WSCD2: variants seen among roughly 807,000 people sequenced by gnomAD.
The protein encoded by WSCD2 is WSC domain sialate O sulfotransferase 2.
Under a neutral mutation model 55.7 loss-of-function variants are expected in WSCD2, and 28 were observed. The ratio of observed to expected loss-of-function variants is 0.50; its 90% confidence interval spans 0.37 to 0.69. WSCD2 has a LOEUF of 0.69. WSCD2 is among the 30% of genes least tolerant of loss of function. The pLI is 0.00. For missense variants in WSCD2, 616 were observed against 762.1 expected, an observed-to-expected ratio of 0.81 and a Z score of 2.26; for synonymous variants, 301 against 301.9, an observed-to-expected ratio of 1.00 and a Z score of 0.03.
In WSCD2 at chr12:108,248,043, G is replaced by T; in HGVS notation, c.1398G>T (p.Leu466=). The part of the protein sequence containing the change: ...NYAPWWATHT[L]DWLKFGKKVL... ...CCCCGTGGTGGGCCACTCACACACTGGACTGGCTCAAGTTTGGCAAGAAGG... is the reference window on the plus strand; with the variant it reads ...CCCCGTGGTGGGCCACTCACACACTTGACTGGCTCAAGTTTGGCAAGAAGG... Residue 466 remains leucine, a synonymous_variant, in exon 9 of 9, where the codon CTG becomes CTT. Transcript: ENST00000547525. The surrounding 1 kb of genome is among the most constrained non-coding windows in gnomAD (Gnocchi z 4.3). 1.2e-6 allele frequency: 2 copies of T among 1,614,202 alleles called. No individual in the cohort carries two copies. Among genetic ancestry groups the T allele is most frequent in the Non-Finnish European group, 1.7e-6 (2 of 1,180,044 alleles).
In WSCD2 at chr12:108,244,649, A is replaced by G. The variant is rs866765339; in HGVS notation, c.1346-3342A>G. ...AGGCTGAAGATCGAGTAATGTCTCC[A>G]AAGTCACATACCTCATGTGGGGAGG... On this transcript the variant is annotated intron_variant, in intron 8 of 8. Transcript: ENST00000547525. 3.0e-4 allele frequency: 207 copies of G among 699,666 alleles called. 2 individuals carry two copies. The Middle Eastern group carries it at 7.4e-3, about 25-fold the overall frequency. The allele number at this position is 699,666 out of a possible 1,614,324, so 43.3% of individuals were successfully genotyped here. A position where few individuals can be genotyped will look rare whatever the true frequency, so the allele number is the denominator to read the frequency against.
Position 108,240,650 on chromosome 12 carries a change from C to T in WSCD2, c.1345+106C>T, listed in dbSNP as rs527767108. 22 of 1,314,596 alleles carry T rather than the reference C, an allele frequency of 1.7e-5. No individual in the cohort carries two copies. In the Admixed American group the frequency reaches 3.9e-4, roughly 23 times the overall value. The allele number at this position is 1,314,596 out of a possible 1,614,324, so 81.4% of individuals were successfully genotyped here. On this transcript the variant is annotated intron_variant, in intron 8 of 8. Coordinates refer to ENST00000547525, the MANE Select transcript of WSCD2 (RefSeq NM_014653.4). ...CAGCGTGACCAGCAGGAGGCAATGC[C>T]TCATGCGAGGAACCCTGGAGGACAT...
chr12:108,224,549 G>A (rs529545219), intron 4 of WSCD2, among the ~76,000 whole-genome samples, 190 bp from the exon 5 acceptor site: 6 of 152,300 alleles, frequency 3.9e-5, no homozygotes, highest in African/African-American at 1.4e-4. Context: ...TTGATGTATC[G>A]AGCTCATTGA....
chr12:108,215,856 C>A (rs1464994924), intron 4 of WSCD2, among the ~76,000 whole-genome samples: 1 of 152,144 alleles, frequency 6.6e-6, no homozygotes, highest in Non-Finnish European at 1.5e-5. Flanking sequence ...CAGCTGGTTC[C>A]GGGCTGTTCT....
At chr12:108,144,689 C>G (rs940762381) in intron 1 of WSCD2, among the ~76,000 whole-genome samples, 1 of 152,148 alleles carries the variant, frequency 6.6e-6, no homozygotes, top group Non-Finnish European at 1.5e-5. Flanking sequence ...CTTAGCTCCT[C>G]CTGTAAAACT....
intron 1 of WSCD2, among the ~76,000 whole-genome samples, chr12:108,152,734 A>G (rs1565919816): frequency 6.6e-6 from 1 of 152,260 alleles, no homozygotes; most frequent in South Asian, 2.1e-4. Context: ...ACCAGAACCA[A>G]TCTATATGCT....
intron 1 of WSCD2, among the ~76,000 whole-genome samples, chr12:108,155,087 C>G (rs1432128904): frequency 6.6e-6 from 1 of 152,160 alleles, no homozygotes; most frequent in Non-Finnish European, 1.5e-5. Context: ...GTGACCTCAG[C>G]CAAGTCACAT....
intron 1 of WSCD2, among the ~76,000 whole-genome samples, chr12:108,152,865 A>G (rs1429085663): frequency 1.3e-5 from 2 of 152,142 alleles, no homozygotes; most frequent in East Asian, 3.9e-4. Flanking sequence ...TTGGGAGAGA[A>G]GCCAAGGTGG....
rs1305381026 is a variant in WSCD2 at position 108,190,839 on chromosome 12, A to C, written c.-551-4443A>C. Among the ~76,000 whole-genome samples the C allele has an allele frequency of 4.6e-5, 7 of 152,150 alleles. No homozygotes were observed. The East Asian group carries it at 1.2e-3, about 25-fold the overall frequency. ...GTCCACCACATTTAACAGATGGGGA[A>C]ACTGAGGCTTAGAGAGGTGTCACAT... On this transcript the variant is annotated intron_variant, in intron 1 of 8. Transcript: ENST00000547525.
At chr12:108,239,429 T>A (rs1461999755) in intron 7 of WSCD2, among the ~76,000 whole-genome samples, 4 of 152,212 alleles carry the variant, frequency 2.6e-5, no homozygotes, top group Non-Finnish European at 5.9e-5. Flanking sequence ...TAGGACCATG[T>A]CTATTCTATG....
chr12:108,245,884 A>G (rs1890049284), intron 8 of WSCD2, among the ~76,000 whole-genome samples: 1 of 152,246 alleles, frequency 6.6e-6, no homozygotes, highest in South Asian at 2.1e-4. Context: ...CAGCATAAAT[A>G]TCTCCCAAAC....
intron 1 of WSCD2, among the ~76,000 whole-genome samples, chr12:108,135,103 G>T (rs1876033894): frequency 6.6e-6 from 1 of 152,202 alleles, no homozygotes; most frequent in South Asian, 2.1e-4. Context: ...TGAATGTGGT[G>T]AGATTTCTTC....
intron 2 of WSCD2, chr12:108,197,095 C>T (rs1224115501): frequency 6.6e-6 from 1 of 151,724 alleles, no homozygotes; most frequent in Admixed American, 6.6e-5. Flanking sequence ...AACCCACAAC[C>T]CCTACAATTC....
At chr12:108,212,489 C>T (rs2041562168) in intron 4 of WSCD2, among the ~76,000 whole-genome samples, 1 of 151,982 alleles carries the variant, frequency 6.6e-6, no homozygotes, top group African/African-American at 2.4e-5. Context: ...CTCAATATCT[C>T]TTTCTCTCCT....
chr12:108,243,691 C>A (rs548483154), intron 8 of WSCD2, among the ~76,000 whole-genome samples: 1 of 152,188 alleles, frequency 6.6e-6, no homozygotes, highest in Non-Finnish European at 1.5e-5. Context: ...CAGGCCCTAT[C>A]CCAGGCTTCC....
chr12:108,233,702 T>G (rs1263840901), intron 7 of WSCD2, among the ~76,000 whole-genome samples: 1 of 152,242 alleles, frequency 6.6e-6, no homozygotes, highest in African/African-American at 2.4e-5. Context: ...TTTCCCAGTT[T>G]CAAAGCCCAC....
intron 1 of WSCD2, among the ~76,000 whole-genome samples, chr12:108,141,614 C>T (rs1011557408): frequency 3.9e-5 from 6 of 152,200 alleles, no homozygotes; most frequent in African/African-American, 1.4e-4. Context: ...TGCGACTCTC[C>T]ATCAGGACCC....
At chr12:108,163,519 G>A (rs1212736422) in intron 1 of WSCD2, among the ~76,000 whole-genome samples, 1 of 152,230 alleles carries the variant, frequency 6.6e-6, no homozygotes, top group African/African-American at 2.4e-5. Context: ...CTTAAGCATG[G>A]TAAGAGGTAC....
rs563297027 is a variant in WSCD2, at chr12:108,210,803, G to A, written c.682+498G>A. 1.1e-4 allele frequency among the ~76,000 whole-genome samples: 16 copies of A among 152,326 alleles called. No individual in the cohort carries two copies. Among genetic ancestry groups the A allele is most frequent in the African/African-American group, 3.6e-4 (15 of 41,570 alleles). ...GGAAACTGAGTCTCAATGTCATAAA[G>A]CTTGTAAGCAGCAGAGAATTTAAAC... On this transcript the variant is annotated intron_variant, in intron 4 of 8. Coordinates refer to ENST00000547525, the MANE Select transcript of WSCD2 (RefSeq NM_014653.4). The surrounding 1 kb of genome is among the most constrained non-coding windows in gnomAD (Gnocchi z 4.3).
Sources: gnomAD v4.1 joint callset for allele counts (sites outside exome capture counted in the v4.1 genomes callset) on GRCh38, gnomAD v4.1.1 for gene constraint, Gnocchi (gnomAD v3.1) non-coding constraint, MANE v1.5 for transcripts, NCBI Gene and HGNC (gene_info 2026-07-23, HGNC 2026-07-21) for gene names.